The following DIDO1 variants were observed in gnomAD, a reference collection of about 807,000 sequenced individuals.
DIDO1 encodes death inducer-obliterator 1.
DIDO1 carries 16 observed loss-of-function variants against 99.4 expected under a neutral mutation model. That is an observed-to-expected ratio of 0.16 (90% confidence interval 0.11 to 0.24). The LOEUF is 0.24. Among genes scored for constraint, DIDO1 ranks in the 10% least tolerant of loss-of-function variants. The pLI, the probability that DIDO1 is intolerant of heterozygous loss-of-function variation, is 1.00. For synonymous variants in DIDO1, 1,366 were observed against 1,239.1 expected, an observed-to-expected ratio of 1.10 and a Z score of -2.15; for missense variants, 2,996 against 3,014.0, an observed-to-expected ratio of 0.99 and a Z score of 0.14.
At chr20:62,913,355 C>T (rs1245084445) in intron 2 of DIDO1, among the ~76,000 whole-genome samples, 1 of 152,052 alleles carries the variant, frequency 6.6e-6, no homozygotes, top group African/African-American at 2.4e-5. Flanking sequence ...GAGGGGGGCA[C>T]TAGAGATGGT....
At chr20:62,889,269 A>G in intron 15 of DIDO1, 5 of 985,474 alleles carry the variant, frequency 5.1e-6, no homozygotes, top group Non-Finnish European at 6.0e-6. Context: ...TGTGGGGAGA[A>G]TGGAGGCGCC....
chr20:62,898,156 G>A (rs552330446), intron 6 of DIDO1, among the ~76,000 whole-genome samples: 5 of 152,306 alleles, frequency 3.3e-5, no homozygotes, highest in East Asian at 1.9e-4. Context: ...CTCCTCCCCC[G>A]TCGTCTTACT....
At position 62,893,881 on chromosome 20, in the gene DIDO1, T is replaced by G. The variant is rs764348178; in HGVS notation, c.2886A>C (p.Thr962=). The change falls in exon 12 of 16, where the codon ACA becomes ACC. Residue 962 remains threonine, a synonymous_variant. Transcript: ENST00000395343. ...CGGTCCTGGGGTCCCGGCCGGACACTGTGACGGTGGTGACCACCCCGCTCC... is the reference window on the plus strand; with the variant it reads ...CGGTCCTGGGGTCCCGGCCGGACACGGTGACGGTGGTGACCACCCCGCTCC... ...SCGSGVVTTV[T]VSGRDPRTAP... The G allele has an allele frequency of 1.9e-6, 3 of 1,611,626 alleles. No homozygotes were observed. The African/African-American group carries it at 4.0e-5, about 22-fold the overall frequency.
At chr20:62,924,547 A>G (rs944292069) in intron 1 of DIDO1, among the ~76,000 whole-genome samples, 3 of 152,348 alleles carry the variant, frequency 2.0e-5, no homozygotes, top group African/African-American at 7.2e-5. Context: ...CTAAGGCTGT[A>G]GAAAAACTCA....
intron 1 of DIDO1, among the ~76,000 whole-genome samples, chr20:62,934,192 A>C (rs1354633674): frequency 2.6e-5 from 4 of 151,132 alleles, no homozygotes; most frequent in South Asian, 2.1e-4. Flanking sequence ...GCTCTCCTGC[A>C]CTCTTGGTGA....
rs1600979025 is a variant in DIDO1 at position 62,905,305 on chromosome 20, T to C, written c.1588+582A>G. 6 of 1,410,206 alleles carry C rather than the reference T, an allele frequency of 4.3e-6. No homozygotes were observed. The East Asian group carries it at 1.6e-4, about 37-fold the overall frequency. The allele number at this position is 1,410,206 out of a possible 1,614,324, so 87.4% of individuals were successfully genotyped here. The stretch of plus-strand genomic sequence containing the variant: ...GTGTGGCCTTCGAAGTTCGAATGTG[T>C]TCATGTGGGTGTGTAGCGTGTGAAT... On this transcript the variant is annotated intron_variant, in intron 6 of 15. Coordinates refer to ENST00000395343, the MANE Select transcript of DIDO1 (RefSeq NM_001193369.2).
At chr20:62,919,464 C>T (rs554794814) in intron 1 of DIDO1, among the ~76,000 whole-genome samples, 1 of 151,818 alleles carries the variant, frequency 6.6e-6, no homozygotes, top group Non-Finnish European at 1.5e-5. Context: ...CACTTAAACC[C>T]GGGAAGCGGA....
upstream of DIDO1, among the ~76,000 whole-genome samples, chr20:62,931,282 T>C (rs746004284): frequency 1.3e-5 from 2 of 152,214 alleles, no homozygotes; most frequent in Non-Finnish European, 2.9e-5. Flanking sequence ...AACACATTAA[T>C]ACAGAACCAT....
At chr20:62,922,313 G>A (rs1359359724) in intron 1 of DIDO1, among the ~76,000 whole-genome samples, 1 of 151,946 alleles carries the variant, frequency 6.6e-6, no homozygotes, top group East Asian at 1.9e-4. Flanking sequence ...GGTCTTGGGA[G>A]CATCTCTGGG....
In DIDO1 at chr20:62,878,749, T is replaced by C. The variant is rs1472427919; in HGVS notation, c.*484A>G. On this transcript the variant is annotated 3_prime_UTR_variant, in exon 16 of 16. Transcript: ENST00000395343. ...AAAAGAAAGATGCATTTGTAAGGTT[T>C]GTGTTTCTCAAGACTCCAGATACAA... The C allele has an allele frequency of 6.5e-6, 1 of 153,212 alleles. No individual in the cohort carries two copies. The highest frequency in any genetic ancestry group is 1.5e-5 in the Non-Finnish European group (1 of 68,750). The allele number at this position is 153,212 out of a possible 1,614,324, so 9.5% of individuals were successfully genotyped here.
In DIDO1 at chr20:62,894,398, C is replaced by A. The variant is rs1435766085; in HGVS notation, c.2572+15G>T. The stretch of plus-strand genomic sequence containing the variant: ...AGTCTCAGCTCCAAGGCTCCATCCC[C>A]TGCACTGTGCTCACCTGTGCAAATT... On this transcript the variant is annotated intron_variant, in intron 11 of 15. Coordinates refer to ENST00000395343, the MANE Select transcript of DIDO1 (RefSeq NM_001193369.2). The surrounding 1 kb of genome is among the most constrained non-coding windows in gnomAD (Gnocchi z 4.4). 3.1e-6 allele frequency: 5 copies of A among 1,610,110 alleles called. No individual in the cohort carries two copies. Among genetic ancestry groups the A allele is most frequent in the African/African-American group, 1.3e-5 (1 of 74,878 alleles).
At chr20:62,928,221 G>A (rs1015499228), upstream of DIDO1, among the ~76,000 whole-genome samples, 1 of 152,284 alleles carries the variant, frequency 6.6e-6, no homozygotes, top group South Asian at 2.1e-4. Flanking sequence ...AGGAGAGATA[G>A]ATGGAAAGGC....
At position 62,881,253 on chromosome 20, in the gene DIDO1, G is replaced by C. The variant is rs1568824439; in HGVS notation, c.4703C>G (p.Thr1568Ser). 2 of 1,602,898 alleles carry C rather than the reference G, an allele frequency of 1.2e-6. No individual in the cohort carries two copies. The highest frequency in any genetic ancestry group is 1.7e-6 in the Non-Finnish European group (2 of 1,177,856). Residue 1568 changes from threonine (T) to serine (S), a missense_variant, in exon 16 of 16, where the codon ACT becomes AGT. Physicochemically the swap from Thr to Ser is moderately conservative, Grantham distance 58. Transcript: ENST00000395343. The surrounding 1 kb of genome is among the most constrained non-coding windows in gnomAD (Gnocchi z 8.3). ...RDPRQARRLA[T>S]ETGEGEGEPL... ...CTCCCCCTCCCCCTCACCGGTCTCA[G>C]TGGCCAGGCGCCTCGCCTGCCGGGG...
intron 1 of DIDO1, among the ~76,000 whole-genome samples, chr20:62,918,567 G>GCT: frequency 6.6e-6 from 1 of 152,298 alleles, no homozygotes; most frequent in South Asian, 2.1e-4. Context: ...CAGGAAAAGA[G>GCT]CTCTGACTTC....
chr20:62,887,772 C>T (rs905236368), intron 15 of DIDO1: 6 of 985,476 alleles, frequency 6.1e-6, no homozygotes, highest in Middle Eastern at 5.2e-4. Context: ...CGGGACTCTG[C>T]GACCCCAAGT....
At chr20:62,904,807 A>AAAAAAAT (rs1568859998) in intron 6 of DIDO1, among the ~76,000 whole-genome samples, 1 of 141,706 alleles carries the variant, frequency 7.1e-6, no homozygotes, top group African/African-American at 2.7e-5. Context: ...AAAAAAAAAA[A>AAAAAAAT]GTGTCTTTTT....
At chr20:62,917,727 T>C (rs2065064801) in intron 1 of DIDO1, among the ~76,000 whole-genome samples, 1 of 152,224 alleles carries the variant, frequency 6.6e-6, no homozygotes, top group South Asian at 2.1e-4. Context: ...TAATATTTAC[T>C]GCATCATCAG....
intron 15 of DIDO1, chr20:62,887,446 C>T (rs1445944343): frequency 1.0e-6 from 1 of 985,328 alleles, no homozygotes; most frequent in Admixed American, 6.1e-5. Context: ...CCCAGAAGAG[C>T]TTTCTAATGT....
Position 62,896,634 on chromosome 20 carries a change from G to A in DIDO1, c.1951C>T (p.Pro651Ser). 1 of 1,613,930 alleles carries A rather than the reference G, an allele frequency of 6.2e-7. No homozygotes were observed. The highest frequency in any genetic ancestry group is 8.5e-7 in the Non-Finnish European group (1 of 1,179,814). Residue 651 changes from proline to serine, a missense_variant, in exon 7 of 16, where the codon CCA becomes TCA. By Grantham distance (74) the Pro-to-Ser change is moderately conservative. Coordinates refer to ENST00000395343, the MANE Select transcript of DIDO1 (RefSeq NM_001193369.2). This position sits in a 1 kb window ranked among gnomAD's most constrained non-coding sequence, Gnocchi z 4.4. Reference sequence around the variant, plus strand: ...ATAGCCCCAAGGCGTCCTGGGGCTGGCGAGGCCATTGGAACAGAAGGTACC... The same window carrying A: ...ATAGCCCCAAGGCGTCCTGGGGCTGACGAGGCCATTGGAACAGAAGGTACC... ...PVVPSVPMASPAPGRLGAMSA... is the reference protein window; with the variant it reads ...PVVPSVPMASSAPGRLGAMSA...
Sources: allele counts gnomAD v4.1 joint callset (sites outside exome capture counted in the v4.1 genomes callset), GRCh38; gene constraint gnomAD v4.1.1; non-coding constraint Gnocchi (gnomAD v3.1); transcripts MANE v1.5; gene names NCBI Gene and HGNC (gene_info 2026-07-23, HGNC 2026-07-21).